DSP: variants seen among roughly 807,000 people sequenced by gnomAD.
DSP encodes the protein 250/210 kDa paraneoplastic pemphigus antigen.
Under a neutral mutation model 290.6 loss-of-function variants are expected in DSP, and 114 were observed. The observed-to-expected ratio is 0.39, with a 90% confidence interval of 0.34 to 0.46. The LOEUF (loss-of-function observed/expected upper bound fraction) is 0.46, where lower values mean the gene tolerates loss of function less well. Ranked by LOEUF, DSP falls within the 20% of genes least tolerant of loss-of-function variation. The pLI is 0.99. For missense variants in DSP, 3,230 were observed against 3,495.8 expected, an observed-to-expected ratio of 0.92 and a Z score of 1.92; for synonymous variants, 1,311 against 1,316.4, an observed-to-expected ratio of 1.00 and a Z score of 0.09.
At chr6:7,566,353 G>T in intron 7 of DSP, 24 bp from the exon 8 acceptor site, 1 of 1,590,354 alleles carries the variant, frequency 6.3e-7, no homozygotes, top group Non-Finnish European at 8.6e-7. Context: ...TGCTGCAAAG[G>T]ATTTCTTATT....
chr6:7,563,172 C>G (rs939057516), intron 5 of DSP, among the ~76,000 whole-genome samples: 4 of 152,154 alleles, frequency 2.6e-5, no homozygotes, highest in Non-Finnish European at 4.4e-5. Context: ...TTCTACTGAG[C>G]AAAGCCATAT....
At chr6:7,552,830 T>A (rs75945653) in intron 1 of DSP, among the ~76,000 whole-genome samples, 1 of 152,120 alleles carries the variant, frequency 6.6e-6, no homozygotes, top group Admixed American at 6.5e-5. Context: ...AGCCAATGTT[T>A]GGTTGCCTTA....
intron 1 of DSP, among the ~76,000 whole-genome samples, chr6:7,553,257 A>G (rs1758396229): frequency 6.6e-6 from 1 of 152,054 alleles, no homozygotes; most frequent in African/African-American, 2.4e-5. Context: ...GGCGTGCCCC[A>G]CCCTCATCTT....
chr6:7,576,467 A>G lies in DSP; in HGVS notation c.2793+11A>G, dbSNP rs1467144830. 1 of 1,614,076 alleles carries G rather than the reference A, an allele frequency of 6.2e-7. No homozygotes were observed. The highest frequency in any genetic ancestry group is 8.5e-7 in the Non-Finnish European group (1 of 1,179,964). ...TTGAATGAGCAGAAGGTATAAGCCA[A>G]CTTTTTGTTCCATAGCTGTTTTGAG... On this transcript the variant is annotated intron_variant, in intron 19 of 23. Transcript: ENST00000379802.
Position 7,569,234 on chromosome 6 carries a change from C to A in DSP, c.1468C>A (p.Arg490Ser), listed in dbSNP as rs781084693. 6.2e-7 allele frequency: 1 copy of A among 1,614,140 alleles called. No individual in the cohort carries two copies. The highest frequency in any genetic ancestry group is 2.2e-5 in the East Asian group (1 of 44,878). The change falls in exon 12 of 24, where the codon CGC (arginine) becomes AGC (serine). Residue 490 changes from arginine to serine, a missense_variant. This residue lies in a region of DSP where 646 missense variants were observed against 684.3 expected (regional missense o/e 0.94). Transcript: ENST00000379802. ...GTGTATCCTGAAGGACAACAACGAGCGCAGCAAGTGGTACGTGACGGGCCC... is the reference window on the plus strand; with the variant it reads ...GTGTATCCTGAAGGACAACAACGAGAGCAGCAAGTGGTACGTGACGGGCCC... ...DECILKDNNERSKWYVTGPGG... is the reference protein window; with the variant it reads ...DECILKDNNESSKWYVTGPGG...
chr6:7,573,673 T>C (rs1759129881), intron 15 of DSP, among the ~76,000 whole-genome samples: 1 of 151,898 alleles, frequency 6.6e-6, no homozygotes, highest in African/African-American at 2.4e-5. Flanking sequence ...CAGACACAAA[T>C]ACTGCTTGAT....
At chr6:7,542,155 G>A (rs557029518) in intron 1 of DSP, 70 bp downstream of exon 1, 1 of 1,526,954 alleles carries the variant, frequency 6.5e-7, no homozygotes, top group Non-Finnish European at 8.8e-7. Flanking sequence ...TCCTCTGGAC[G>A]ACTGGGAGAC....
At chr6:7,561,745 C>A (rs1758700601) in intron 4 of DSP, among the ~76,000 whole-genome samples, 1 of 152,138 alleles carries the variant, frequency 6.6e-6, no homozygotes, top group Admixed American at 6.5e-5. Context: ...TGAAGCCTTG[C>A]CAAGTGTATT....
rs778506459 is a variant in DSP, at chr6:7,542,022, G to T, written c.107G>T (p.Gly36Val). Residue 36 changes from glycine to valine, a missense_variant, in exon 1 of 24, where the codon GGC becomes GTC. By Grantham distance (109) the Gly-to-Val change is moderately radical. Around this residue, in one of 5 missense-constraint regions of DSP, gnomAD observed 646 missense variants for 684.3 expected, o/e 0.94. Transcript: ENST00000379802. ...TACGAGGTGACCAGCGGCGGCGGGG[G>T]CACCAGCAGGATGTACTATTCTCGG... ...LRYEVTSGGG[G>V]TSRMYYSRRG... The T allele has an allele frequency of 6.3e-7, 1 of 1,583,258 alleles. No individual in the cohort carries two copies. Among genetic ancestry groups the T allele is most frequent in the Non-Finnish European group, 8.6e-7 (1 of 1,165,614 alleles).
At chr6:7,542,950 G>A (rs1461408580) in intron 1 of DSP, among the ~76,000 whole-genome samples, 1 of 152,144 alleles carries the variant, frequency 6.6e-6, no homozygotes, top group Non-Finnish European at 1.5e-5. Flanking sequence ...TGGGGGGGTG[G>A]GAGAGGACGA....
chr6:7,569,418 T>G, intron 12 of DSP, 78 bp downstream of exon 12: 1 of 1,603,946 alleles, frequency 6.2e-7, no homozygotes. Context: ...TGTTTATACC[T>G]GAAGCTTAGA....
chr6:7,576,437 G>C lies in DSP; in HGVS notation c.2774G>C (p.Arg925Pro), dbSNP rs139799237. 1 of 1,613,928 alleles carries C rather than the reference G, an allele frequency of 6.2e-7. No homozygotes were observed. The highest frequency in any genetic ancestry group is 8.5e-7 in the Non-Finnish European group (1 of 1,179,998). The change falls in exon 19 of 24, where the codon CGG becomes CCG. Residue 925 changes from arginine to proline, a missense_variant. By Grantham distance (103) the Arg-to-Pro change is moderately radical (BLOSUM62 -2). This residue lies in a region of DSP where 1,714 missense variants were observed against 1,844.5 expected (regional missense o/e 0.93). Coordinates refer to ENST00000379802, the MANE Select transcript of DSP (RefSeq NM_004415.4). ...TTTGGAGATTCCAACACAGTCATGC[G>C]GTTTTTGAATGAGCAGAAGGTATAA... Reference protein sequence around the residue: ...MKFGDSNTVMRFLNEQKNLHS... With the variant: ...MKFGDSNTVMPFLNEQKNLHS...
Position 7,574,697 on chromosome 6 carries a change from A to G in DSP, c.2338A>G (p.Thr780Ala). The part of the protein sequence containing the change: ...VRALLQAILQ[T>A]EDMLKVYEAR... The stretch of plus-strand genomic sequence containing the variant: ...GGCACTGCTCCAGGCTATTCTCCAA[A>G]CAGAAGACATGTTAAAGGTTTATGA... The change falls in exon 17 of 24, where the codon ACA (threonine) becomes GCA (alanine). Residue 780 changes from threonine (T) to alanine (A), a missense_variant. Around this residue, in one of 5 missense-constraint regions of DSP, gnomAD observed 1,714 missense variants for 1,844.5 expected, o/e 0.93. Transcript: ENST00000379802. 6.2e-7 allele frequency: 1 copy of G among 1,614,060 alleles called. No individual in the cohort carries two copies. The highest frequency in any genetic ancestry group is 8.5e-7 in the Non-Finnish European group (1 of 1,180,010).
Position 7,565,185 on chromosome 6 carries a change from G to C in DSP, c.778-174G>C, listed in dbSNP as rs1203800377. Among the ~76,000 whole-genome samples the C allele has an allele frequency of 6.6e-6, 1 of 151,814 alleles. No homozygotes were observed. Among genetic ancestry groups the C allele is most frequent in the Non-Finnish European group, 1.5e-5 (1 of 67,960 alleles). On this transcript the variant is annotated intron_variant, in intron 6 of 23. Coordinates refer to ENST00000379802, the MANE Select transcript of DSP (RefSeq NM_004415.4). This position sits in a 1 kb window ranked among gnomAD's most constrained non-coding sequence, Gnocchi z 4.2. Reference sequence around the variant, plus strand: ...AGTTGCTGCCTTCTTGTTCATTGCAGATTTGGATGGGTCTTTTCCCATACC... The same window carrying C: ...AGTTGCTGCCTTCTTGTTCATTGCACATTTGGATGGGTCTTTTCCCATACC...
intron 14 of DSP, 54 bp downstream of exon 14, chr6:7,571,638 G>A (rs952686414): frequency 4.2e-5 from 68 of 1,610,410 alleles, no homozygotes; most frequent in Non-Finnish European, 5.3e-5. Context: ...ATTTTAAAAA[G>A]AAGGGAGTTT....
At chr6:7,542,287 C>T (rs532162315) in intron 1 of DSP, among the ~76,000 whole-genome samples, 1 of 152,172 alleles carries the variant, frequency 6.6e-6, no homozygotes, top group East Asian at 1.9e-4. Flanking sequence ...GTCCTGCGAA[C>T]AGGGACTCGG....
In DSP at chr6:7,582,484, TAAC is replaced by T. The variant is rs1431773188; in HGVS notation, c.5380-155_5380-153del. Among the ~76,000 whole-genome samples, 2 of 151,040 alleles carry T rather than the reference TAAC, an allele frequency of 1.3e-5. No individual in the cohort carries two copies. The highest frequency in any genetic ancestry group is 2.9e-5 in the Non-Finnish European group (2 of 67,840). On this transcript the variant is annotated intron_variant, in intron 23 of 23. Coordinates refer to ENST00000379802, the MANE Select transcript of DSP (RefSeq NM_004415.4). The surrounding 1 kb of genome is among the most constrained non-coding windows in gnomAD (Gnocchi z 4.2). Reference sequence around the variant, plus strand: ...GAATTTTTCCCACAAATTTGTAAAATAACAAGCTCACAGTGTATCCAGGGACAA... The same window carrying T: ...GAATTTTTCCCACAAATTTGTAAAATAAGCTCACAGTGTATCCAGGGACAA...
At position 7,582,950 on chromosome 6, in the gene DSP, G is replaced by C; in HGVS notation, c.5688G>C (p.Arg1896Ser). 6.2e-7 allele frequency: 1 copy of C among 1,614,078 alleles called. No individual in the cohort carries two copies. The highest frequency in any genetic ancestry group is 8.5e-7 in the Non-Finnish European group (1 of 1,180,002). The change falls in exon 24 of 24, where the codon AGG becomes AGC. Residue 1896 changes from arginine (R) to serine (S), a missense_variant. Transcript: ENST00000379802. The surrounding 1 kb of genome is among the most constrained non-coding windows in gnomAD (Gnocchi z 4.2). Reference protein sequence around the residue: ...EKSEREKNSLRSEIERLQAEI... With the variant: ...EKSEREKNSLSSEIERLQAEI... Reference sequence around the variant, plus strand: ...GTGAGAGAGAGAAGAACAGTCTTAGGAGTGAGATCGAAAGACTCCAAGCAG... The same window carrying C: ...GTGAGAGAGAGAAGAACAGTCTTAGCAGTGAGATCGAAAGACTCCAAGCAG...
rs151170580 is a variant in DSP, at chr6:7,555,267, G to A, written c.171-451G>A. Among the ~76,000 whole-genome samples, 44 of 152,276 alleles carry A rather than the reference G, an allele frequency of 2.9e-4. 1 individual carries two copies. The East Asian group carries it at 5.2e-3, about 18-fold the overall frequency. ...GGGCTAATTGGTGAAATCTGAACAA[G>A]TTCTATAAATTAGAAAATCATTTGT... On this transcript the variant is annotated intron_variant, in intron 1 of 23. Coordinates refer to ENST00000379802, the MANE Select transcript of DSP (RefSeq NM_004415.4).
Sources: allele counts gnomAD v4.1 joint callset (sites outside exome capture counted in the v4.1 genomes callset), GRCh38; gene constraint gnomAD v4.1.1; regional missense constraint gnomAD v4.1.1; non-coding constraint Gnocchi (gnomAD v3.1); transcripts MANE v1.5; gene names NCBI Gene and HGNC (gene_info 2026-07-23, HGNC 2026-07-21).